The following INPP4B variants were observed in gnomAD, a reference collection of about 807,000 sequenced individuals.
INPP4B encodes the protein inositol polyphosphate 4-phosphatase type II.
A neutral mutation model predicts 122.5 loss-of-function variants in INPP4B; 55 were observed. The ratio of observed to expected loss-of-function variants is 0.45; its 90% CI spans 0.36 to 0.56. INPP4B has a LOEUF of 0.56. Among genes scored for constraint, INPP4B ranks in the 20% least tolerant of loss-of-function variants. The pLI, the probability that INPP4B is intolerant of heterozygous loss-of-function variation, is 0.00. For missense variants in INPP4B, 1,000 were observed against 1,097.7 expected (o/e 0.91, Z 1.26); for synonymous variants, 403 against 388.7 (o/e 1.04, Z -0.43).
intron 2 of INPP4B, among the ~76,000 whole-genome samples, chr4:142,646,139 T>C (rs1046623374): frequency 7.9e-5 from 12 of 152,232 alleles, no homozygotes; most frequent in Admixed American, 2.6e-4. Context: ...TATATGAGTA[T>C]ATACATTTAT....
At chr4:142,784,691 CA>C (rs1313362361) in intron 1 of INPP4B, among the ~76,000 whole-genome samples, 1 of 152,040 alleles carries the variant, frequency 6.6e-6, no homozygotes, top group East Asian at 1.9e-4. Flanking sequence ...TCCAGGAACC[CA>C]AACAGGTCCT....
intron 25 of INPP4B, among the ~76,000 whole-genome samples, chr4:142,052,093 A>T (rs909108591): frequency 1.3e-5 from 2 of 151,966 alleles, no homozygotes; most frequent in Admixed American, 1.3e-4. Context: ...TAGAACCAAC[A>T]CTCAGGTCTT....
intron 21 of INPP4B, among the ~76,000 whole-genome samples, chr4:142,115,332 G>C (rs1443205151): frequency 1.3e-5 from 2 of 152,104 alleles, no homozygotes; most frequent in African/African-American, 2.4e-5. Context: ...TATTCCTCGA[G>C]AAGAGCAACT....
chr4:142,130,763 C>T (rs773871650), intron 18 of INPP4B, among the ~76,000 whole-genome samples: 9 of 152,140 alleles, frequency 5.9e-5, no homozygotes, highest in Non-Finnish European at 1.3e-4. Context: ...GCACCTTCCA[C>T]ATGTATGAGA....
At chr4:142,601,587 A>G (rs954707048) in intron 2 of INPP4B, among the ~76,000 whole-genome samples, 1 of 151,778 alleles carries the variant, frequency 6.6e-6, no homozygotes, top group Admixed American at 6.6e-5. Context: ...ATGTCAAAAA[A>G]AAAAAAAAAA....
chr4:142,833,867 G>A (rs1057269415), intron 1 of INPP4B, among the ~76,000 whole-genome samples: 5 of 151,978 alleles, frequency 3.3e-5, no homozygotes, highest in Non-Finnish European at 5.9e-5. Context: ...TTCTATCCCA[G>A]GCCTCACCTC....
At chr4:142,653,813 A>G (rs1322633274) in intron 2 of INPP4B, among the ~76,000 whole-genome samples, 1 of 152,142 alleles carries the variant, frequency 6.6e-6, no homozygotes, top group Non-Finnish European at 1.5e-5. Context: ...ACAGTGTGGC[A>G]ATTCCTCAAG....
At chr4:142,710,781 C>T (rs910600473) in intron 2 of INPP4B, among the ~76,000 whole-genome samples, 1 of 152,156 alleles carries the variant, frequency 6.6e-6, no homozygotes, top group Non-Finnish European at 1.5e-5. Context: ...TTTGATGTAT[C>T]TCCTTCAGAT....
rs1324602845 is a variant in INPP4B at position 142,028,167 on chromosome 4, T to C, written c.*615A>G. ...GTTTTGAAAGGTCTGTTGACCACTT[T>C]ACTCACTCCATGCATATGCCTGTTG... is the stretch of plus-strand genomic sequence containing the variant. On this transcript the variant is annotated 3_prime_UTR_variant, in exon 26 of 26. Transcript: ENST00000262992. The C allele has an allele frequency of 4.4e-6, 1 of 229,228 alleles. No homozygotes were observed. The highest frequency in any genetic ancestry group is 6.2e-5 in the East Asian group (1 of 16,094). The allele number at this position is 229,228 out of a possible 1,614,324, so 14.2% of individuals were successfully genotyped here. A position where few individuals can be genotyped will look rare whatever the true frequency, so the allele number is the denominator to read the frequency against.
At chr4:142,788,486 T>C (rs1380154466) in intron 1 of INPP4B, among the ~76,000 whole-genome samples, 1 of 152,094 alleles carries the variant, frequency 6.6e-6, no homozygotes, top group Non-Finnish European at 1.5e-5. Flanking sequence ...TCTATTTCCA[T>C]AGGTTATTGG....
chr4:142,453,231 C>G (rs568666757), intron 3 of INPP4B, among the ~76,000 whole-genome samples: 21 of 152,264 alleles, frequency 1.4e-4, no homozygotes, highest in Middle Eastern at 3.4e-3. Context: ...TTTCAAAATC[C>G]TTATGCACAC....
intron 2 of INPP4B, among the ~76,000 whole-genome samples, chr4:142,724,869 A>G (rs1302351931): frequency 1.3e-5 from 2 of 152,116 alleles, no homozygotes; most frequent in African/African-American, 4.8e-5. Flanking sequence ...GTATTTCAGT[A>G]CTCATTTATT....
At chr4:142,546,515 A>T (rs1460084599) in intron 2 of INPP4B, among the ~76,000 whole-genome samples, 1 of 152,144 alleles carries the variant, frequency 6.6e-6, no homozygotes, top group Non-Finnish European at 1.5e-5. Flanking sequence ...AGATAGCATC[A>T]TGAAGAACAG....
chr4:142,197,075 G>A (rs1264726174), intron 14 of INPP4B, among the ~76,000 whole-genome samples: 1 of 133,000 alleles, frequency 7.5e-6, no homozygotes, highest in African/African-American at 2.9e-5. Context: ...GCAGTGAGCC[G>A]AGATCGCGCC....
intron 2 of INPP4B, among the ~76,000 whole-genome samples, chr4:142,513,819 G>T (rs1041818474): frequency 2.0e-5 from 3 of 152,150 alleles, no homozygotes; most frequent in Non-Finnish European, 4.4e-5. Context: ...TGGGGATTAG[G>T]ATTTAAACAT....
chr4:142,118,505 C>T (rs1396800372), intron 21 of INPP4B, among the ~76,000 whole-genome samples: 2 of 152,118 alleles, frequency 1.3e-5, no homozygotes, highest in Non-Finnish European at 1.5e-5. Flanking sequence ...CTACAACCAC[C>T]TGATCTTTGA....
At chr4:142,281,216 T>C (rs1751045590) in intron 9 of INPP4B, among the ~76,000 whole-genome samples, 1 of 151,508 alleles carries the variant, frequency 6.6e-6, no homozygotes, top group African/African-American at 2.4e-5. Context: ...AAGAAAGAAA[T>C]ATGTTATAGG....
In INPP4B at chr4:142,464,528, TG is replaced by T. The variant is rs1456383531; in HGVS notation, c.-190-1803del. Among the ~76,000 whole-genome samples the T allele has an allele frequency of 3.3e-5, 5 of 152,068 alleles. No homozygotes were observed. In the South Asian group the frequency reaches 1.0e-3, roughly 32 times the overall value. ...AAATTATACCAGGACTCATTTAATT[TG>T]GGGAAAAAAAATTCCAGTTTTTCTT... is the stretch of plus-strand genomic sequence containing the variant. On this transcript the variant is annotated intron_variant, in intron 2 of 25. Coordinates refer to ENST00000262992, the MANE Select transcript of INPP4B (RefSeq NM_001101669.3).
intron 17 of INPP4B, among the ~76,000 whole-genome samples, chr4:142,149,258 G>A (rs2152857240): frequency 6.6e-6 from 1 of 152,312 alleles, no homozygotes; most frequent in East Asian, 1.9e-4. Flanking sequence ...GAGAAAGAGG[G>A]AGGAAGCAAG....
Sources: gnomAD v4.1 joint callset for allele counts (sites outside exome capture counted in the v4.1 genomes callset) on GRCh38, gnomAD v4.1.1 for gene constraint, MANE v1.5 for transcripts, NCBI Gene and HGNC (gene_info 2026-07-23, HGNC 2026-07-21) for gene names.